NYNRIN: variants seen among roughly 807,000 people sequenced by gnomAD.
The protein encoded by NYNRIN is NYN domain and retroviral integrase containing, also known as protein NYNRIN.
Under a neutral mutation model 146.6 loss-of-function variants are expected in NYNRIN, and 86 were observed. The ratio of observed to expected loss-of-function variants is 0.59; its 90% confidence interval spans 0.49 to 0.70. NYNRIN has a LOEUF of 0.70. NYNRIN is among the 30% of genes least tolerant of loss of function. NYNRIN has a pLI of 0.00. For synonymous variants in NYNRIN, 1,027 were observed against 1,001.3 expected (o/e 1.03, Z -0.48); for missense variants, 2,191 against 2,377.7 (o/e 0.92, Z 1.63).
rs957398787 is a variant in NYNRIN, at chr14:24,410,273, G to A, written c.2414+65G>A. 2.2e-6 allele frequency: 3 copies of A among 1,353,184 alleles called. No homozygotes were observed. In the African/African-American group the frequency reaches 4.4e-5, roughly 20 times the overall value. 83.8% of individuals were successfully genotyped at this position (1,353,184 alleles called of 1,614,324 possible). On this transcript the variant is annotated intron_variant, in intron 4 of 8. Coordinates refer to ENST00000382554, the MANE Select transcript of NYNRIN (RefSeq NM_025081.3). ...GGACCTGGGGCAGGGCATCCCTGGGGGACAGAATGTGGGCATCCCTTCCCA... is the reference window on the plus strand; with the variant it reads ...GGACCTGGGGCAGGGCATCCCTGGGAGACAGAATGTGGGCATCCCTTCCCA...
In NYNRIN at chr14:24,409,328, C is replaced by T; in HGVS notation, c.1534C>T (p.Pro512Ser). Residue 512 changes from proline to serine, a missense_variant, in exon 4 of 9, where the codon CCC becomes TCC. This residue lies in a region of NYNRIN where 895 missense variants were observed against 941.2 expected (regional missense o/e 0.95). Transcript: ENST00000382554. ...AGATTTTAAGGGACTGGAAGAGGGA[C>T]CCGCTCCAGTGCTGCCAACAGGGCA... ...QLDFKGLEEGPAPVLPTGQGK... is the reference protein window; with the variant it reads ...QLDFKGLEEGSAPVLPTGQGK... 1 of 1,614,052 alleles carries T rather than the reference C, an allele frequency of 6.2e-7. No homozygotes were observed. The highest frequency in any genetic ancestry group is 1.1e-5 in the South Asian group (1 of 91,086).
rs1263048113 is a variant in NYNRIN at position 24,408,530 on chromosome 14, A to G, written c.857+3A>G. On this transcript the variant is annotated splice_donor_region_variant and intron_variant, in intron 3 of 8. Transcript: ENST00000382554. ...GAGGCAGCAAACCAGCTGGTACGGT[A>G]AGTTCTGGAGAATGAGCCTGGCTTC... 1 of 1,564,668 alleles carries G rather than the reference A, an allele frequency of 6.4e-7. No homozygotes were observed. Among genetic ancestry groups the G allele is most frequent in the Non-Finnish European group, 8.7e-7 (1 of 1,155,978 alleles).
At position 24,418,469 on chromosome 14, in the gene NYNRIN, T is replaced by C; in HGVS notation, c.*1023T>C. On this transcript the variant is annotated 3_prime_UTR_variant, in exon 9 of 9. Coordinates refer to ENST00000382554, the MANE Select transcript of NYNRIN (RefSeq NM_025081.3). ...ACAGATTGTGTGATTGCTTCATCTG[T>C]ATCACCCCCCGAGTCCTGTGGACCT... 5.7e-6 allele frequency: 2 copies of C among 348,070 alleles called. No homozygotes were observed. Among genetic ancestry groups the C allele is most frequent in the South Asian group, 2.1e-5 (1 of 47,624 alleles). The allele number at this position is 348,070 out of a possible 1,614,324, so 21.6% of individuals were successfully genotyped here. A position where few individuals can be genotyped will look rare whatever the true frequency, so the allele number is the denominator to read the frequency against.
chr14:24,417,012 G>A lies in NYNRIN; in HGVS notation c.5263G>A (p.Ala1755Thr). 1.2e-6 allele frequency: 2 copies of A among 1,600,008 alleles called. No homozygotes were observed. The highest frequency in any genetic ancestry group is 1.7e-6 in the Non-Finnish European group (2 of 1,172,066). ...HLAFRASSTD[A>T]TPFKVLTGGE... is the part of the protein sequence containing the mutation. ...GGCCTTCAGGGCCTCCTCCACTGAT[G>A]CCACACCGTTCAAGGTCCTGACCGG... is the stretch of plus-strand genomic sequence containing the variant. The change falls in exon 9 of 9, where the codon GCC (alanine) becomes ACC (threonine). Residue 1755 changes from alanine (A) to threonine (T), a missense_variant. By Grantham distance (58) the Ala-to-Thr change is moderately conservative. Coordinates refer to ENST00000382554, the MANE Select transcript of NYNRIN (RefSeq NM_025081.3).
Position 24,408,221 on chromosome 14 carries a change from C to T in NYNRIN, c.551C>T (p.Ala184Val), listed in dbSNP as rs760640899. The T allele has an allele frequency of 1.5e-5, 24 of 1,604,176 alleles. No homozygotes were observed. Among genetic ancestry groups the T allele is most frequent in the African/African-American group, 6.7e-5 (5 of 74,816 alleles). The part of the protein sequence containing the change: ...HAGDLLQLPP[A>V]VQELLLSLVR... ...GGGGACCTACTGCAGCTGCCCCCAG[C>T]GGTCCAGGAGCTGCTGCTGAGCCTG... Residue 184 changes from alanine (A) to valine (V), a missense_variant, in exon 3 of 9, where the codon GCG becomes GTG. Coordinates refer to ENST00000382554, the MANE Select transcript of NYNRIN (RefSeq NM_025081.3).
At position 24,410,142 on chromosome 14, in the gene NYNRIN, T is replaced by C; in HGVS notation, c.2348T>C (p.Leu783Pro). 6.2e-7 allele frequency: 1 copy of C among 1,613,206 alleles called. No individual in the cohort carries two copies. The highest frequency in any genetic ancestry group is 8.5e-7 in the Non-Finnish European group (1 of 1,179,370). Reference sequence around the variant, plus strand: ...CTGAATACACCCTTCGAGCTGAACCTGTCAGGGGAACCTGGAAACCAGGGG... The same window carrying C: ...CTGAATACACCCTTCGAGCTGAACCCGTCAGGGGAACCTGGAAACCAGGGG... ...EALNTPFELNLSGEPGNQGLR... is the reference protein window; with the variant it reads ...EALNTPFELNPSGEPGNQGLR... Residue 783 changes from leucine to proline, a missense_variant, in exon 4 of 9, where the codon CTG becomes CCG. Leu to Pro is a moderately conservative substitution (Grantham distance 98). This residue lies in a region of NYNRIN where 1,291 missense variants were observed against 1,417.0 expected (regional missense o/e 0.91). Coordinates refer to ENST00000382554, the MANE Select transcript of NYNRIN (RefSeq NM_025081.3).
intron 2 of NYNRIN, among the ~76,000 whole-genome samples, chr14:24,403,736 T>A (rs1337506845): frequency 6.6e-6 from 1 of 152,242 alleles, no homozygotes; most frequent in Non-Finnish European, 1.5e-5. Flanking sequence ...TGGTCTTTGC[T>A]TCTTTCTTAC....
chr14:24,413,510 G>A, intron 8 of NYNRIN, 93 bp downstream of exon 8: 1 of 754,780 alleles, frequency 1.3e-6, no homozygotes, highest in Non-Finnish European at 2.1e-6. Flanking sequence ...GCGTAATAAT[G>A]ATCAGAGTGA....
At chr14:24,399,505 C>A in intron 2 of NYNRIN, 61 bp downstream of exon 2, 4 of 1,407,544 alleles carry the variant, frequency 2.8e-6, no homozygotes, top group Non-Finnish European at 3.9e-6. Flanking sequence ...CTCCCCTTCC[C>A]CTGGGGAGAT....
intron 2 of NYNRIN, among the ~76,000 whole-genome samples, chr14:24,407,575 C>G (rs1272695259): frequency 6.6e-6 from 1 of 152,168 alleles, no homozygotes; most frequent in Admixed American, 6.5e-5. Context: ...AGATGCCCCA[C>G]AATTAACCTA....
intron 6 of NYNRIN, 76 bp from the exon 7 acceptor site, chr14:24,412,921 A>G (rs1035714485): frequency 1.0e-5 from 10 of 961,438 alleles, no homozygotes; most frequent in Non-Finnish European, 1.6e-5. Flanking sequence ...TGAAGCTGCA[A>G]GTTTATTTTC....
intron 8 of NYNRIN, 98 bp from the exon 9 acceptor site, chr14:24,414,498 C>T: frequency 6.9e-7 from 1 of 1,446,536 alleles, no homozygotes. Flanking sequence ...GGCCCAGCCT[C>T]AGGACACTTT....
chr14:24,411,457 C>A lies in NYNRIN; in HGVS notation c.2642+7C>A, dbSNP rs373057550. 1 of 1,611,566 alleles carries A rather than the reference C, an allele frequency of 6.2e-7. No homozygotes were observed. The highest frequency in any genetic ancestry group is 1.7e-5 in the Admixed American group (1 of 60,022). On this transcript the variant is annotated splice_region_variant and intron_variant, in intron 6 of 8. Transcript: ENST00000382554. The surrounding 1 kb of genome is among the most constrained non-coding windows in gnomAD (Gnocchi z 4.3). ...TCACCACCTACGATTATAGGTGTGC[C>A]GGTCCCCAGGCCTGCCCTCCTGGGC...
intron 2 of NYNRIN, among the ~76,000 whole-genome samples, chr14:24,405,068 ATGTG>A (rs1337556198): frequency 1.6e-5 from 2 of 123,660 alleles, no homozygotes; most frequent in East Asian, 2.1e-4. Context: ...ATGTGTGTGA[ATGTG>A]TGTGTGTGTG....
chr14:24,409,388 C>G lies in NYNRIN; in HGVS notation c.1594C>G (p.Gln532Glu). ...CGTGGCTCAAGGGGGGCTGACAGATCAGTCAGTACCTGGAGCTCAAACAGT... is the reference window on the plus strand; with the variant it reads ...CGTGGCTCAAGGGGGGCTGACAGATGAGTCAGTACCTGGAGCTCAAACAGT... ...KPVAQGGLTD[Q>E]SVPGAQTVPE... The change falls in exon 4 of 9, where the codon CAG becomes GAG. Residue 532 changes from glutamine (Q) to glutamate (E), a missense_variant. Around this residue, in one of 3 missense-constraint regions of NYNRIN, gnomAD observed 895 missense variants for 941.2 expected, o/e 0.95. Coordinates refer to ENST00000382554, the MANE Select transcript of NYNRIN (RefSeq NM_025081.3). The G allele has an allele frequency of 6.2e-7, 1 of 1,614,028 alleles. No individual in the cohort carries two copies. Among genetic ancestry groups the G allele is most frequent in the Non-Finnish European group, 8.5e-7 (1 of 1,179,902 alleles).
chr14:24,401,917 G>A (rs1167897332), intron 2 of NYNRIN, among the ~76,000 whole-genome samples: 1 of 152,178 alleles, frequency 6.6e-6, no homozygotes, highest in East Asian at 1.9e-4. Context: ...GGGAGGCAGC[G>A]TGGCTGGCCC....
rs2042937068 is a variant in NYNRIN at position 24,415,258 on chromosome 14, C to T, written c.3509C>T (p.Ala1170Val). The T allele has an allele frequency of 5.6e-6, 9 of 1,613,800 alleles. No homozygotes were observed. In the East Asian group the frequency reaches 2.0e-4, roughly 36 times the overall value. The part of the protein sequence containing the change: ...FRLEVTVSHV[A>V]LTAILHQEHS... ...CTGGAGGTGACCGTGAGCCACGTGG[C>T]CCTGACGGCCATCCTCCATCAGGAG... Residue 1170 changes from alanine (A) to valine (V), a missense_variant, in exon 9 of 9, where the codon GCC becomes GTC. This residue lies in a region of NYNRIN where 1,291 missense variants were observed against 1,417.0 expected (regional missense o/e 0.91). Coordinates refer to ENST00000382554, the MANE Select transcript of NYNRIN (RefSeq NM_025081.3).
rs774630777 is a variant in NYNRIN at position 24,416,498 on chromosome 14, C to T, written c.4749C>T (p.Cys1583=). ...PGMQEHVKDY[C]RSCLFCIPRN... ...TGCAGGAGCATGTGAAAGATTACTG[C>T]AGGAGCTGCTTGTTCTGCATCCCCC... The change falls in exon 9 of 9, where the codon TGC becomes TGT. Residue 1583 remains cysteine, a synonymous_variant. Transcript: ENST00000382554. The T allele has an allele frequency of 1.2e-6, 2 of 1,613,632 alleles. No individual in the cohort carries two copies. The highest frequency in any genetic ancestry group is 1.3e-5 in the African/African-American group (1 of 75,038).
intron 2 of NYNRIN, among the ~76,000 whole-genome samples, chr14:24,402,411 A>T (rs2042849908): frequency 6.6e-6 from 1 of 151,908 alleles, no homozygotes; most frequent in Non-Finnish European, 1.5e-5. Context: ...CCACTGCGGG[A>T]GGTGATGGGG....
Sources: gnomAD v4.1 joint callset for allele counts (sites outside exome capture counted in the v4.1 genomes callset) on GRCh38, gnomAD v4.1.1 for gene constraint, gnomAD v4.1.1 regional missense constraint, Gnocchi (gnomAD v3.1) non-coding constraint, MANE v1.5 for transcripts, NCBI Gene and HGNC (gene_info 2026-07-23, HGNC 2026-07-21) for gene names.